Variants in CDC42BPA observed in about 807,000 individuals in gnomAD.
CDC42BPA encodes the protein serine/threonine-protein kinase MRCK alpha.
Under a neutral mutation model 223.5 loss-of-function variants are expected in CDC42BPA, and 80 were observed. The observed-to-expected ratio is 0.36, with a 90% confidence interval of 0.30 to 0.43. CDC42BPA has a LOEUF of 0.43. Ranked by LOEUF, CDC42BPA falls within the 20% of genes least tolerant of loss-of-function variation. The pLI is 1.00. For synonymous variants in CDC42BPA, 694 were observed against 718.6 expected (o/e 0.97, Z 0.55); for missense variants, 1,743 against 2,099.9 (o/e 0.83, Z 3.32).
chr1:227,008,221 C>T (rs1299205419), intron 34 of CDC42BPA, among the ~76,000 whole-genome samples: 1 of 152,118 alleles, frequency 6.6e-6, no homozygotes, highest in Non-Finnish European at 1.5e-5. Flanking sequence ...GAGATTAATT[C>T]AGTTGGCAAT....
chr1:227,210,524 C>T (rs1248685307), intron 3 of CDC42BPA, among the ~76,000 whole-genome samples: 1 of 152,096 alleles, frequency 6.6e-6, no homozygotes, highest in Non-Finnish European at 1.5e-5. Flanking sequence ...TATATAAATA[C>T]TTGTTAATTG....
chr1:227,055,314 C>T (rs921365031), intron 21 of CDC42BPA, among the ~76,000 whole-genome samples: 4 of 151,974 alleles, frequency 2.6e-5, no homozygotes, highest in Admixed American at 1.3e-4. Context: ...TTTCTTTATT[C>T]AAGTTTTAAT....
In CDC42BPA at chr1:227,047,911, T is replaced by C. The variant is rs777700092; in HGVS notation, c.3093+16A>G. 6.6e-5 allele frequency: 100 copies of C among 1,515,788 alleles called. 1 individual carries two copies. The South Asian group carries it at 1.0e-3, about 16-fold the overall frequency. 93.9% of individuals were successfully genotyped at this position (1,515,788 alleles called of 1,614,324 possible). On this transcript the variant is annotated intron_variant, in intron 23 of 36. Coordinates refer to ENST00000366766, the MANE Select transcript of CDC42BPA (RefSeq NM_001394014.1). Reference sequence around the variant, plus strand: ...TTTTTTTTGGAACACACTATGCTTATAACTAGATTGAGTACCTTAGGTGGA... The same window carrying C: ...TTTTTTTTGGAACACACTATGCTTACAACTAGATTGAGTACCTTAGGTGGA...
At chr1:227,210,869 A>G (rs145704126) in intron 3 of CDC42BPA, among the ~76,000 whole-genome samples, 163 of 152,314 alleles carry the variant, frequency 1.1e-3, no homozygotes, top group African/African-American at 3.8e-3. Flanking sequence ...CTTCAGGGGT[A>G]GCCCATGTCC....
chr1:227,279,777 C>A (rs1687713637), intron 1 of CDC42BPA, among the ~76,000 whole-genome samples: 1 of 152,054 alleles, frequency 6.6e-6, no homozygotes, highest in South Asian at 2.1e-4. Context: ...TGTACTAAGG[C>A]CGGGAACGGT....
intron 1 of CDC42BPA, among the ~76,000 whole-genome samples, chr1:227,294,337 T>C (rs1359673330): frequency 6.6e-6 from 1 of 152,086 alleles, no homozygotes; most frequent in African/African-American, 2.4e-5. Flanking sequence ...ATAAGCAGAC[T>C]TTGAAGAGCG....
chr1:227,307,768 T>C (rs934593485), intron 1 of CDC42BPA, among the ~76,000 whole-genome samples: 2 of 152,218 alleles, frequency 1.3e-5, no homozygotes, highest in African/African-American at 4.8e-5. Flanking sequence ...GGGTGCTGCA[T>C]AATCTTCAAT....
intron 5 of CDC42BPA, among the ~76,000 whole-genome samples, chr1:227,190,078 C>A (rs1669463657): frequency 6.6e-6 from 1 of 152,174 alleles, no homozygotes; most frequent in Non-Finnish European, 1.5e-5. Flanking sequence ...TCAACATGAA[C>A]TCTTTTCTCT....
chr1:227,177,748 C>T (rs1344187235), intron 5 of CDC42BPA, among the ~76,000 whole-genome samples: 1 of 152,056 alleles, frequency 6.6e-6, no homozygotes, highest in Non-Finnish European at 1.5e-5. Context: ...CTTTTCTGTC[C>T]TATTGTCTCT....
intron 5 of CDC42BPA, among the ~76,000 whole-genome samples, chr1:227,181,660 G>A (rs1667958397): frequency 6.6e-6 from 1 of 152,088 alleles, no homozygotes; most frequent in Non-Finnish European, 1.5e-5. Context: ...CCTCTAAAGA[G>A]TATTTCCTCC....
intron 6 of CDC42BPA, among the ~76,000 whole-genome samples, chr1:227,150,242 A>C (rs1165202084): frequency 6.6e-6 from 1 of 151,834 alleles, no homozygotes; most frequent in African/African-American, 2.4e-5. Context: ...AAAAAACAAA[A>C]AAAACAAAAA....
At chr1:227,184,488 A>G (rs1048235577) in intron 5 of CDC42BPA, among the ~76,000 whole-genome samples, 8 of 152,076 alleles carry the variant, frequency 5.3e-5, no homozygotes, top group Non-Finnish European at 7.4e-5. Context: ...CTGTTAGCCT[A>G]CATCTGGGCT....
At chr1:227,163,103 AACAT>A (rs879806321) in intron 5 of CDC42BPA, among the ~76,000 whole-genome samples, 20,037 of 95,612 alleles carry the variant, frequency 0.21, 2,181 homozygotes, top group Non-Finnish European at 0.24. Context: ...TGTGTTTCCA[AACAT>A]ATATGTGTGT....
intron 11 of CDC42BPA, among the ~76,000 whole-genome samples, chr1:227,127,655 C>T (rs773844937): frequency 1.1e-4 from 16 of 152,136 alleles, no homozygotes; most frequent in Non-Finnish European, 2.2e-4. Flanking sequence ...CCATGATTCA[C>T]TTATCATGTT....
chr1:227,006,949 TCAA>T (rs58305329), intron 34 of CDC42BPA, among the ~76,000 whole-genome samples: 68,630 of 147,872 alleles, frequency 0.46, 16,784 homozygotes, highest in Non-Finnish European at 0.56. Flanking sequence ...AGACTCCGTC[TCAA>T]CAACAACAAC....
intron 2 of CDC42BPA, among the ~76,000 whole-genome samples, chr1:227,245,060 TCCTAGGTAAAC>T (rs1680674693): frequency 6.6e-6 from 1 of 152,070 alleles, no homozygotes; most frequent in African/African-American, 2.4e-5. Context: ...TGCTCTGGGG[TCCTAGGTAAAC>T]CTGAATGGCA....
At chr1:227,310,843 C>T (rs1693401803) in intron 1 of CDC42BPA, among the ~76,000 whole-genome samples, 1 of 140,572 alleles carries the variant, frequency 7.1e-6, no homozygotes, top group African/African-American at 2.7e-5. Context: ...CCCGTCACCG[C>T]GCCCGGCTAA....
intron 5 of CDC42BPA, among the ~76,000 whole-genome samples, chr1:227,171,732 C>T (rs904800851): frequency 6.6e-6 from 1 of 151,968 alleles, no homozygotes; most frequent in Non-Finnish European, 1.5e-5. Context: ...ACAAATATTA[C>T]CCCCATAAGA....
intron 27 of CDC42BPA, 125 bp downstream of exon 27, chr1:227,033,209 T>C: frequency 1.7e-6 from 1 of 598,886 alleles, no homozygotes; most frequent in Non-Finnish European, 3.0e-6. Context: ...CTGGATGATA[T>C]GGAATATATA....
Sources: gnomAD v4.1 joint callset for allele counts (sites outside exome capture counted in the v4.1 genomes callset) on GRCh38, gnomAD v4.1.1 for gene constraint, MANE v1.5 for transcripts, NCBI Gene and HGNC (gene_info 2026-07-23, HGNC 2026-07-21) for gene names.